Variants in ARHGEF3 observed in about 807,000 individuals in gnomAD.
ARHGEF3 encodes Rho guanine nucleotide exchange factor 3, also known as 59.8 kDA protein.
ARHGEF3 carries 28 observed loss-of-function variants against 63.2 expected under a neutral mutation model. The ratio of observed to expected loss-of-function variants is 0.44; its 90% confidence interval spans 0.33 to 0.61. The LOEUF (loss-of-function observed/expected upper bound fraction) is 0.61. Ranked by LOEUF, ARHGEF3 falls within the 20% of genes least tolerant of loss-of-function variation. The pLI is 0.03. For missense variants in ARHGEF3, 533 were observed against 659.3 expected (o/e 0.81, Z 2.10); for synonymous variants, 266 against 254.2 (o/e 1.05, Z -0.44).
At chr3:56,960,278 T>G (rs777451201) in intron 2 of ARHGEF3, among the ~76,000 whole-genome samples, 1 of 152,164 alleles carries the variant, frequency 6.6e-6, no homozygotes, top group African/African-American at 2.4e-5. Context: ...ATTGTACCCA[T>G]TTTATAGATA....
chr3:56,853,120 C>T (rs1360457969), intron 4 of ARHGEF3, among the ~76,000 whole-genome samples: 3 of 152,096 alleles, frequency 2.0e-5, no homozygotes, highest in Non-Finnish European at 4.4e-5. Flanking sequence ...TTATTTCTTT[C>T]AATTCAGCAC....
chr3:57,007,167 A>G, intron 2 of ARHGEF3: 1 of 1,259,500 alleles, frequency 7.9e-7, no homozygotes, highest in Non-Finnish European at 1.0e-6. Context: ...ATTAATAAAT[A>G]AGGTGCTGAC....
At chr3:57,034,444 T>C (rs886968202) in intron 2 of ARHGEF3, among the ~76,000 whole-genome samples, 12 of 152,072 alleles carry the variant, frequency 7.9e-5, no homozygotes, top group Non-Finnish European at 1.5e-5. Context: ...GCATGGGGCA[T>C]AGTGTTTTGG....
chr3:56,835,254 C>T (rs2039070822), intron 4 of ARHGEF3, among the ~76,000 whole-genome samples: 1 of 152,028 alleles, frequency 6.6e-6, no homozygotes, highest in African/African-American at 2.4e-5. Flanking sequence ...CGGCTCACTG[C>T]AACCTCTGTC....
At chr3:56,866,380 A>T (rs2040248092) in intron 4 of ARHGEF3, among the ~76,000 whole-genome samples, 1 of 152,186 alleles carries the variant, frequency 6.6e-6, no homozygotes, top group South Asian at 2.1e-4. Flanking sequence ...AGGGAGACTA[A>T]AGATGGTGGG....
chr3:56,817,951 C>A (rs1183835597), intron 4 of ARHGEF3, among the ~76,000 whole-genome samples: 2 of 152,202 alleles, frequency 1.3e-5, no homozygotes, highest in Admixed American at 1.3e-4. Flanking sequence ...TCCCTGTTTA[C>A]CCACAGACTG....
chr3:56,788,337 G>A (rs903185017), intron 1 of ARHGEF3, among the ~76,000 whole-genome samples: 18 of 152,076 alleles, frequency 1.2e-4, no homozygotes, highest in African/African-American at 2.7e-4. Flanking sequence ...GTCACTACCC[G>A]TATTGTCGTG....
chr3:56,791,061 C>G (rs1450028204), intron 1 of ARHGEF3, among the ~76,000 whole-genome samples: 1 of 152,164 alleles, frequency 6.6e-6, no homozygotes, highest in East Asian at 1.9e-4. Flanking sequence ...CTATTTATCA[C>G]CTCTGCTGCA....
chr3:56,766,803 T>C (rs568264572), intron 2 of ARHGEF3, among the ~76,000 whole-genome samples: 4 of 151,940 alleles, frequency 2.6e-5, no homozygotes, highest in African/African-American at 7.2e-5. Context: ...CCTTGCCGTA[T>C]CAACGGCCTT....
chr3:56,801,563 A>G, intron 1 of ARHGEF3, 140 bp downstream of exon 1: 1 of 1,139,074 alleles, frequency 8.8e-7, no homozygotes, highest in Non-Finnish European at 1.2e-6. Flanking sequence ...GGAGAGATGT[A>G]GAGAGAGAAA....
intron 1 of ARHGEF3, among the ~76,000 whole-genome samples, chr3:56,798,443 C>T (rs569003143): frequency 1.3e-5 from 2 of 152,066 alleles, no homozygotes; most frequent in East Asian, 1.9e-4. Context: ...TAAAAATGAA[C>T]TGGACCTAAA....
chr3:56,859,539 T>C (rs2039996902), intron 4 of ARHGEF3, among the ~76,000 whole-genome samples: 1 of 151,462 alleles, frequency 6.6e-6, no homozygotes, highest in African/African-American at 2.4e-5. Flanking sequence ...GTACACCTTT[T>C]TTTTTTTTGA....
intron 3 of ARHGEF3, among the ~76,000 whole-genome samples, chr3:56,949,233 C>G (rs1699677558): frequency 6.6e-6 from 1 of 151,918 alleles, no homozygotes; most frequent in Non-Finnish European, 1.5e-5. Context: ...CAGGGATGCC[C>G]TCTCTCACCA....
chr3:57,021,426 A>G (rs1159575517), intron 2 of ARHGEF3, among the ~76,000 whole-genome samples: 6 of 152,186 alleles, frequency 3.9e-5, no homozygotes, highest in African/African-American at 1.4e-4. Flanking sequence ...AGTGGGTACA[A>G]AGCAAGAGGA....
intron 7 of ARHGEF3, among the ~76,000 whole-genome samples, chr3:56,743,152 A>T (rs2034150238): frequency 6.6e-6 from 1 of 152,242 alleles, no homozygotes; most frequent in African/African-American, 2.4e-5. Context: ...GATGGGCCTC[A>T]ACCCCAGCGA....
intron 2 of ARHGEF3, among the ~76,000 whole-genome samples, chr3:56,758,500 C>T (rs1383969473): frequency 6.6e-6 from 1 of 151,970 alleles, no homozygotes; most frequent in African/African-American, 2.4e-5. Flanking sequence ...TTCCAAAGAG[C>T]TTCAGGGTAT....
chr3:56,999,988 G>A (rs1397433008), intron 2 of ARHGEF3, among the ~76,000 whole-genome samples: 1 of 152,082 alleles, frequency 6.6e-6, no homozygotes, highest in East Asian at 1.9e-4. Flanking sequence ...TCATATACTA[G>A]CTGTGTGGCC....
intron 3 of ARHGEF3, among the ~76,000 whole-genome samples, chr3:56,952,100 C>T (rs1236204564): frequency 2.0e-5 from 3 of 151,998 alleles, no homozygotes; most frequent in Non-Finnish European, 4.4e-5. Flanking sequence ...GGTAACTAAT[C>T]ATTGGCTTTT....
At chr3:56,888,223 C>T (rs1305999458) in intron 3 of ARHGEF3, among the ~76,000 whole-genome samples, 1 of 151,932 alleles carries the variant, frequency 6.6e-6, no homozygotes, top group African/African-American at 2.4e-5. Flanking sequence ...CATTTCCACT[C>T]CTACGAAAAG....
Sources: allele counts gnomAD v4.1 joint callset (sites outside exome capture counted in the v4.1 genomes callset), GRCh38; gene constraint gnomAD v4.1.1; transcripts MANE v1.5; gene names NCBI Gene and HGNC (gene_info 2026-07-23, HGNC 2026-07-21).